PELI1: variants seen among roughly 807,000 people sequenced by gnomAD.
PELI1 encodes E3 ubiquitin-protein ligase pellino homolog 1.
A neutral mutation model predicts 41.3 loss-of-function variants in PELI1; 15 were observed. That is an observed-to-expected ratio of 0.36 (90% CI 0.24 to 0.56). PELI1 has a LOEUF of 0.56. Among genes scored for constraint, PELI1 ranks in the 20% least tolerant of loss-of-function variants. The pLI, the probability that PELI1 is intolerant of heterozygous loss-of-function variation, is 0.82. For synonymous variants in PELI1, 178 were observed against 180.1 expected, an observed-to-expected ratio of 0.99 and a Z score of 0.09; for missense variants, 403 against 525.5, an observed-to-expected ratio of 0.77 and a Z score of 2.28.
At chr2:64,125,558 C>T (rs950451488) in intron 1 of PELI1, among the ~76,000 whole-genome samples, 3 of 152,180 alleles carry the variant, frequency 2.0e-5, no homozygotes, top group Non-Finnish European at 4.4e-5. Context: ...CATTACCAAA[C>T]CAACAGATTT....
intron 1 of PELI1, among the ~76,000 whole-genome samples, chr2:64,116,659 A>G (rs1366904368): frequency 6.6e-6 from 1 of 152,188 alleles, no homozygotes; most frequent in African/African-American, 2.4e-5. Flanking sequence ...CAGATAATAA[A>G]ACTAAGGTTA....
intron 1 of PELI1, among the ~76,000 whole-genome samples, chr2:64,132,697 A>G (rs1681594144): frequency 6.6e-6 from 1 of 152,222 alleles, no homozygotes; most frequent in South Asian, 2.1e-4. Flanking sequence ...AAAAGTACAA[A>G]TTTAATAGTG....
chr2:64,141,429 A>G (rs1681911605), intron 1 of PELI1, among the ~76,000 whole-genome samples: 1 of 152,070 alleles, frequency 6.6e-6, no homozygotes, highest in South Asian at 2.1e-4. Context: ...TTTCTAACCT[A>G]ATAAATACTA....
In PELI1 at chr2:64,108,145, GAT is replaced by G. The variant is rs1680682744; in HGVS notation, c.71+93_71+94del. The G allele has an allele frequency of 4.4e-6, 3 of 685,666 alleles. No homozygotes were observed. In the South Asian group the frequency reaches 5.4e-5, roughly 12 times the overall value. 42.5% of individuals were successfully genotyped at this position (685,666 alleles called of 1,614,324 possible). On this transcript the variant is annotated intron_variant, in intron 2 of 6. Coordinates refer to ENST00000358912, the MANE Select transcript of PELI1 (RefSeq NM_020651.4). ...TTAAATTCTTTTTGGAAGCAGGTAA[GAT>G]ATAAATTCCAAAAAAAAAAGTACTT...
rs1052679345 is a variant in PELI1 at position 64,100,557 on chromosome 2, T to C, written c.202-58A>G. On this transcript the variant is annotated intron_variant, in intron 3 of 6. Transcript: ENST00000358912. ...TAGGCAGGTCAATCCAATCAGATAATCTTTTCATTAAAAAAAGGGAAAACT... is the reference window on the plus strand; with the variant it reads ...TAGGCAGGTCAATCCAATCAGATAACCTTTTCATTAAAAAAAGGGAAAACT... 3.4e-5 allele frequency: 28 copies of C among 831,172 alleles called. No homozygotes were observed. The Admixed American group carries it at 5.5e-4, about 16-fold the overall frequency. 51.5% of individuals were successfully genotyped at this position (831,172 alleles called of 1,614,324 possible). A position where few individuals can be genotyped will look rare whatever the true frequency, so the allele number is the denominator to read the frequency against.
chr2:64,129,837 A>G (rs1017885793), intron 1 of PELI1, among the ~76,000 whole-genome samples: 2 of 152,230 alleles, frequency 1.3e-5, no homozygotes, highest in Non-Finnish European at 1.5e-5. Flanking sequence ...GATGATCCAC[A>G]TAAAGTCACA....
intron 1 of PELI1, among the ~76,000 whole-genome samples, chr2:64,130,837 A>G (rs1681531141): frequency 3.3e-5 from 5 of 152,228 alleles, no homozygotes; most frequent in African/African-American, 1.2e-4. Context: ...CAGTAATATA[A>G]CACAGGAAAT....
Position 64,103,793 on chromosome 2 carries a change from C to T in PELI1, c.201+908G>A, listed in dbSNP as rs577329159. ...TGTTTATTTAATTTACAAAGATATG[C>T]TTCAGATGGTATAATATTAATGTAC... On this transcript the variant is annotated intron_variant, in intron 3 of 6. Coordinates refer to ENST00000358912, the MANE Select transcript of PELI1 (RefSeq NM_020651.4). 7.9e-5 allele frequency among the ~76,000 whole-genome samples: 12 copies of T among 152,324 alleles called. No homozygotes were observed. The East Asian group carries it at 2.3e-3, about 29-fold the overall frequency.
Position 64,095,938 on chromosome 2 carries a change from C to T in PELI1, c.690+187G>A, listed in dbSNP as rs139051100. 3.0e-3 allele frequency among the ~76,000 whole-genome samples: 464 copies of T among 152,196 alleles called. 4 individuals carry two copies. The highest frequency in any genetic ancestry group is 0.011 in the African/African-American group (441 of 41,532). On this transcript the variant is annotated intron_variant, in intron 6 of 6. Coordinates refer to ENST00000358912, the MANE Select transcript of PELI1 (RefSeq NM_020651.4). The stretch of plus-strand genomic sequence containing the variant: ...GATTACAGGTGTGAGCCACCGCGCC[C>T]GGCTACTAAACGAAATATTAAAGAG...
chr2:64,122,342 T>TA lies in PELI1; in HGVS notation c.-69-13964dup, dbSNP rs59972052. Reference sequence around the variant, plus strand: ...GATAAACTTTCAGTACTCTGAAACTTAAAAAAAAAAAAAAAAAAACTCCAG... The same window carrying TA: ...GATAAACTTTCAGTACTCTGAAACTTAAAAAAAAAAAAAAAAAAAACTCCAG... On this transcript the variant is annotated intron_variant, in intron 1 of 6. Coordinates refer to ENST00000358912, the MANE Select transcript of PELI1 (RefSeq NM_020651.4). 4.2e-3 allele frequency among the ~76,000 whole-genome samples: 420 copies of TA among 100,504 alleles called. 1 individual carries two copies. The highest frequency in any genetic ancestry group is 0.015 in the South Asian group (48 of 3,222). 65.9% of individuals were successfully genotyped at this position (100,504 alleles called of 152,430 possible).
intron 2 of PELI1, chr2:64,106,369 T>C (rs560932798): frequency 1.3e-5 from 2 of 152,334 alleles, no homozygotes; most frequent in East Asian, 3.9e-4. Context: ...ACAATTACTG[T>C]TGCTAATGAT....
At chr2:64,127,926 G>C (rs937612382) in intron 1 of PELI1, among the ~76,000 whole-genome samples, 2 of 151,870 alleles carry the variant, frequency 1.3e-5, no homozygotes, top group African/African-American at 4.8e-5. Context: ...AACCATCTCA[G>C]ATAAAAACAG....
chr2:64,141,310 A>G lies in PELI1; in HGVS notation c.-70+2771T>C, dbSNP rs12614186. Among the ~76,000 whole-genome samples, 11 of 124,380 alleles carry G rather than the reference A, an allele frequency of 8.8e-5. No individual in the cohort carries two copies. In the East Asian group the frequency reaches 1.6e-3, roughly 18 times the overall value. 81.6% of individuals were successfully genotyped at this position (124,380 alleles called of 152,430 possible). ...TTGGAATAACATGTTTCCCGCCCCC[A>G]CCCCAAAGGAGCTCCTAAAGCCACC... On this transcript the variant is annotated intron_variant, in intron 1 of 6. Coordinates refer to ENST00000358912, the MANE Select transcript of PELI1 (RefSeq NM_020651.4).
In PELI1 at chr2:64,140,371, T is replaced by C. The variant is rs560214786; in HGVS notation, c.-70+3710A>G. On this transcript the variant is annotated intron_variant, in intron 1 of 6. Coordinates refer to ENST00000358912, the MANE Select transcript of PELI1 (RefSeq NM_020651.4). ...AGGTGTAAAGGTATTACAGGGGCGA[T>C]ACAAGAGTACTATGTAGAACCCCAT... is the stretch of plus-strand genomic sequence containing the variant. 5.9e-5 allele frequency among the ~76,000 whole-genome samples: 9 copies of C among 152,300 alleles called. No homozygotes were observed. The East Asian group carries it at 1.7e-3, about 29-fold the overall frequency.
intron 1 of PELI1, among the ~76,000 whole-genome samples, chr2:64,125,353 A>C (rs1681350699): frequency 6.6e-6 from 1 of 152,174 alleles, no homozygotes; most frequent in East Asian, 1.9e-4. Context: ...ATAAATAATA[A>C]AAGACATCCT....
At chr2:64,104,135 C>T (rs1576074872) in intron 3 of PELI1, among the ~76,000 whole-genome samples, 1 of 152,188 alleles carries the variant, frequency 6.6e-6, no homozygotes, top group Non-Finnish European at 1.5e-5. Flanking sequence ...TTGGATATTG[C>T]CTTCATAGCT....
intron 2 of PELI1, among the ~76,000 whole-genome samples, chr2:64,107,834 C>T (rs1004302030): frequency 6.6e-6 from 1 of 152,006 alleles, no homozygotes; most frequent in African/African-American, 2.4e-5. Context: ...TGCCTCATCA[C>T]GCCCGGCTAA....
At chr2:64,123,994 G>A (rs149726310) in intron 1 of PELI1, among the ~76,000 whole-genome samples, 3 of 152,274 alleles carry the variant, frequency 2.0e-5, no homozygotes, top group African/African-American at 7.2e-5. Context: ...CCACAACATG[G>A]ATGAACCTGG....
Position 64,096,227 on chromosome 2 carries a change from C to T in PELI1, c.588G>A (p.Gly196=). 1 of 1,613,670 alleles carries T rather than the reference C, an allele frequency of 6.2e-7. No homozygotes were observed. Among genetic ancestry groups the T allele is most frequent in the South Asian group, 1.1e-5 (1 of 91,068 alleles). The change falls in exon 6 of 7, where the codon GGG becomes GGA. Residue 196 remains glycine, a synonymous_variant. Transcript: ENST00000358912. ...NGVLVMHPRN[G]FTEDSKPGIW... ...TTCCAGGCTTGGAGTCTTCTGTGAA[C>T]CCATTGCGTGGATGCATCACAAGAA...
Sources: gnomAD v4.1 joint callset for allele counts (sites outside exome capture counted in the v4.1 genomes callset) on GRCh38, gnomAD v4.1.1 for gene constraint, MANE v1.5 for transcripts, NCBI Gene and HGNC (gene_info 2026-07-23, HGNC 2026-07-21) for gene names.